RBFOX1: variants seen among roughly 807,000 people sequenced by gnomAD.
RBFOX1 encodes RNA binding fox-1 homolog 1, also known as RNA binding protein fox-1 homolog 1.
RBFOX1 carries 8 observed loss-of-function variants against 57.7 expected under a neutral mutation model. The observed-to-expected ratio is 0.14, with a 90% CI of 0.08 to 0.25. The LOEUF is 0.25. Ranked by LOEUF, RBFOX1 falls within the 10% of genes least tolerant of loss-of-function variation. The probability of loss-of-function intolerance (pLI) is 1.00; values close to 1 mark genes in which losing one functional copy is unlikely to be tolerated. For synonymous variants in RBFOX1, 326 were observed against 222.4 expected (o/e 1.47, Z -4.15); for missense variants, 611 against 548.5 (o/e 1.11, Z -1.14).
chr16:6,582,689 T>TCTTCTCA (rs956080173), intron 2 of RBFOX1, among the ~76,000 whole-genome samples: 3 of 151,822 alleles, frequency 2.0e-5, no homozygotes, highest in South Asian at 2.1e-4. Flanking sequence ...ACCATTTCTC[T>TCTTCTCA]CTTCTCACTT....
rs113657448 is a variant in RBFOX1 at position 5,242,187 on chromosome 16, C to T, written c.219+2082C>T. 2.7e-3 allele frequency among the ~76,000 whole-genome samples: 411 copies of T among 152,204 alleles called. 3 individuals are homozygous for T. Among genetic ancestry groups the T allele is most frequent in the East Asian group, 0.02 (104 of 5,178 alleles). On this transcript the variant is annotated intron_variant, in intron 1 of 2. Coordinates refer to the RBFOX1 transcript ENST00000585867. ...GCCAGAATCTCCATTAAAATGCTTTCTGGAGGCTAAAAGGATGATATATTG... is the reference window on the plus strand; with the variant it reads ...GCCAGAATCTCCATTAAAATGCTTTTTGGAGGCTAAAAGGATGATATATTG...
intron 2 of RBFOX1, among the ~76,000 whole-genome samples, chr16:6,527,110 A>G (rs911700904): frequency 3.3e-5 from 5 of 152,084 alleles, no homozygotes; most frequent in Admixed American, 1.3e-4. Flanking sequence ...TTTTTAAATT[A>G]TTTTATTTAT....
At chr16:6,545,548 C>T (rs1359217052) in intron 2 of RBFOX1, among the ~76,000 whole-genome samples, 3 of 152,186 alleles carry the variant, frequency 2.0e-5, no homozygotes, top group Non-Finnish European at 4.4e-5. Flanking sequence ...TATGTCACAT[C>T]TCGGTTTAGA....
chr16:7,285,518 C>G (rs1018839852), intron 4 of RBFOX1, among the ~76,000 whole-genome samples: 1 of 152,058 alleles, frequency 6.6e-6, no homozygotes, highest in Non-Finnish European at 1.5e-5. Flanking sequence ...TGGATCCCTT[C>G]TGTTTTTCTT....
chr16:5,657,890 C>T (rs776587622), intron 3 of RBFOX1, among the ~76,000 whole-genome samples: 8 of 151,732 alleles, frequency 5.3e-5, no homozygotes, highest in Non-Finnish European at 8.8e-5. Context: ...CACAACAACG[C>T]CAGGCTAATT....
intron 1 of RBFOX1, among the ~76,000 whole-genome samples, chr16:5,425,647 G>A (rs2067536832): frequency 6.6e-6 from 1 of 152,182 alleles, no homozygotes; most frequent in Non-Finnish European, 1.5e-5. Flanking sequence ...AATAAGTCTG[G>A]CTGAGCAGGG....
At chr16:6,135,747 G>T (rs2096661926) in intron 1 of RBFOX1, among the ~76,000 whole-genome samples, 1 of 150,800 alleles carries the variant, frequency 6.6e-6, no homozygotes, top group South Asian at 2.1e-4. Context: ...TGTGGCTGAA[G>T]GTGGCAGGGG....
chr16:5,488,535 G>A lies in RBFOX1; in HGVS notation c.258+21281G>A, dbSNP rs528803242. On this transcript the variant is annotated intron_variant, in intron 2 of 2. Coordinates refer to the RBFOX1 transcript ENST00000585867. ...TGGTGATGATTGAAGATGATGGTGT[G>A]GCGGGGTGTGATGGTGATAATGGAG... is the stretch of plus-strand genomic sequence containing the variant. 7.0e-3 allele frequency among the ~76,000 whole-genome samples: 605 copies of A among 86,572 alleles called. 20 individuals are homozygous for A. Among genetic ancestry groups the A allele is most frequent in the African/African-American group, 0.017 (570 of 33,144 alleles). 56.8% of individuals were successfully genotyped at this position (86,572 alleles called of 152,430 possible).
chr16:7,266,257 G>A (rs1015107368), intron 4 of RBFOX1, among the ~76,000 whole-genome samples: 1 of 152,052 alleles, frequency 6.6e-6, no homozygotes, highest in Non-Finnish European at 1.5e-5. Context: ...TTACAGGTGT[G>A]AGCCACCGTG....
At chr16:6,269,503 C>T (rs558711693) in intron 1 of RBFOX1, among the ~76,000 whole-genome samples, 36 of 152,248 alleles carry the variant, frequency 2.4e-4, no homozygotes, top group African/African-American at 8.4e-4. Context: ...GTAAAATGCA[C>T]GCCATCCTTA....
chr16:5,634,599 C>G (rs2048623681), intron 3 of RBFOX1, among the ~76,000 whole-genome samples: 2 of 152,174 alleles, frequency 1.3e-5, no homozygotes, highest in South Asian at 2.1e-4. Context: ...GTGACAGAAA[C>G]TATTTCAGAT....
chr16:7,139,174 C>CTGTGTGTGTG (rs1276311817), intron 4 of RBFOX1, among the ~76,000 whole-genome samples: 2,812 of 22,560 alleles, frequency 0.12, 53 homozygotes, highest in East Asian at 0.35. Flanking sequence ...ATCAATCTCT[C>CTGTGTGTGTG]TCTGTGTGTG....
chr16:5,447,402 C>CTCTG, intron 1 of RBFOX1, among the ~76,000 whole-genome samples: 1 of 151,798 alleles, frequency 6.6e-6, no homozygotes, highest in African/African-American at 2.4e-5. Flanking sequence ...CTCTCTCTCT[C>CTCTG]TCTCTCTCGA....
intron 2 of RBFOX1, among the ~76,000 whole-genome samples, chr16:5,556,447 A>G (rs1276225439): frequency 1.3e-5 from 2 of 152,240 alleles, no homozygotes; most frequent in Admixed American, 6.5e-5. Context: ...GTCATTTGAC[A>G]TTAGTTCAGA....
At chr16:5,883,316 C>A (rs1297128586) in intron 4 of RBFOX1, among the ~76,000 whole-genome samples, 3 of 152,170 alleles carry the variant, frequency 2.0e-5, no homozygotes, top group African/African-American at 7.2e-5. Context: ...AAAAATCTCT[C>A]TTACCCCGAA....
At chr16:5,528,572 T>G (rs1268875740) in intron 2 of RBFOX1, among the ~76,000 whole-genome samples, 8 of 149,154 alleles carry the variant, frequency 5.4e-5, no homozygotes, top group Non-Finnish European at 1.0e-4. Context: ...TTTTCTGGCT[T>G]CTTCTTGTCC....
intron 1 of RBFOX1, among the ~76,000 whole-genome samples, chr16:5,337,617 T>C (rs2064930752): frequency 6.6e-6 from 1 of 152,132 alleles, no homozygotes; most frequent in Admixed American, 6.5e-5. Context: ...GAATGTTTGG[T>C]TTGGAAACTG....
intron 3 of RBFOX1, among the ~76,000 whole-genome samples, chr16:5,718,051 G>T (rs1174190681): frequency 6.6e-6 from 1 of 152,138 alleles, no homozygotes; most frequent in Non-Finnish European, 1.5e-5. Context: ...TTTGGTATTG[G>T]CCAGGTGACT....
chr16:5,668,641 T>G lies in RBFOX1; in HGVS notation c.318+69680T>G, dbSNP rs570918772. Among the ~76,000 whole-genome samples, 4 of 152,310 alleles carry G rather than the reference T, an allele frequency of 2.6e-5. No homozygotes were observed. The South Asian group carries it at 8.3e-4, about 32-fold the overall frequency. On this transcript the variant is annotated intron_variant, in intron 3 of 19. Coordinates refer to the RBFOX1 transcript ENST00000641259. Reference sequence around the variant, plus strand: ...AGGTGTGTTATGCATAACTCTTCATTTTAACCAAACCAGCAGTTTCTTCCT... The same window carrying G: ...AGGTGTGTTATGCATAACTCTTCATGTTAACCAAACCAGCAGTTTCTTCCT...
Sources: gnomAD v4.1 joint callset for allele counts (sites outside exome capture counted in the v4.1 genomes callset) on GRCh38, gnomAD v4.1.1 for gene constraint, MANE v1.5 for transcripts, NCBI Gene and HGNC (gene_info 2026-07-23, HGNC 2026-07-21) for gene names.